MYO1D: variants seen among roughly 807,000 people sequenced by gnomAD.
MYO1D encodes myosin ID.
A neutral mutation model predicts 122.0 loss-of-function variants in MYO1D; 83 were observed. That is an observed-to-expected ratio of 0.68 (90% CI 0.57 to 0.82). The LOEUF is 0.82. MYO1D is among the 40% of genes least tolerant of loss of function. The pLI is 0.00. For missense variants in MYO1D, 1,157 were observed against 1,269.5 expected (o/e 0.91, Z 1.35); for synonymous variants, 464 against 446.9 (o/e 1.04, Z -0.48).
intron 1 of MYO1D, among the ~76,000 whole-genome samples, chr17:32,817,763 A>G (rs186196218): frequency 6.6e-6 from 1 of 152,324 alleles, no homozygotes; most frequent in East Asian, 1.9e-4. Flanking sequence ...TTTAATCTTC[A>G]CAACAACCCT....
intron 1 of MYO1D, among the ~76,000 whole-genome samples, chr17:32,852,519 A>C (rs894285638): frequency 8.5e-5 from 13 of 152,218 alleles, no homozygotes; most frequent in Non-Finnish European, 1.8e-4. Flanking sequence ...TTAGAAAATA[A>C]TTCTCATACA....
At chr17:32,733,823 A>G in intron 14 of MYO1D, among the ~76,000 whole-genome samples, 1 of 152,094 alleles carries the variant, frequency 6.6e-6, no homozygotes, top group East Asian at 1.9e-4. Flanking sequence ...TAGATTCAAG[A>G]TGTTGATTTT....
intron 1 of MYO1D, among the ~76,000 whole-genome samples, chr17:32,841,084 G>C (rs1341906286): frequency 6.6e-6 from 1 of 152,178 alleles, no homozygotes; most frequent in Non-Finnish European, 1.5e-5. Flanking sequence ...AGGTAGGCTA[G>C]GCTGAGCTAC....
At position 32,822,497 on chromosome 17, in the gene MYO1D, C is replaced by T. The variant is rs1198099220; in HGVS notation, c.96-41713G>A. On this transcript the variant is annotated intron_variant, in intron 1 of 21. Coordinates refer to ENST00000318217, the MANE Select transcript of MYO1D (RefSeq NM_015194.3). ...GGGGCGGGGGGCGCGCGTCCCCGGTCGGCGCGCCGCTTCTTCGGTTCCCGC... is the reference window on the plus strand; with the variant it reads ...GGGGCGGGGGGCGCGCGTCCCCGGTTGGCGCGCCGCTTCTTCGGTTCCCGC... Among the ~76,000 whole-genome samples, 11 of 143,456 alleles carry T rather than the reference C, an allele frequency of 7.7e-5. No individual in the cohort carries two copies. The South Asian group carries it at 2.5e-3, about 33-fold the overall frequency. 94.1% of individuals were successfully genotyped at this position (143,456 alleles called of 152,430 possible).
chr17:32,639,876 C>T (rs2088170274), intron 19 of MYO1D, among the ~76,000 whole-genome samples: 2 of 152,180 alleles, frequency 1.3e-5, no homozygotes, highest in African/African-American at 4.8e-5. Flanking sequence ...TCCCCTCCTT[C>T]AAATTCTTAT....
intron 16 of MYO1D, among the ~76,000 whole-genome samples, chr17:32,674,902 G>A (rs535700121): frequency 5.9e-5 from 9 of 152,308 alleles, no homozygotes; most frequent in Admixed American, 1.3e-4. Flanking sequence ...GCAGGGAAGG[G>A]AATAATCTGG....
chr17:32,667,200 C>T (rs1481497860), intron 16 of MYO1D, among the ~76,000 whole-genome samples: 1 of 152,148 alleles, frequency 6.6e-6, no homozygotes, highest in Non-Finnish European at 1.5e-5. Flanking sequence ...CAGTCACATT[C>T]AATTTAGGAT....
In MYO1D at chr17:32,734,242, ACT is replaced by A. The variant is rs1491268645; in HGVS notation, c.1746+4009_1746+4010del. 1.8e-4 allele frequency among the ~76,000 whole-genome samples: 28 copies of A among 151,940 alleles called. 1 individual carries two copies. The highest frequency in any genetic ancestry group is 1.8e-3 in the Admixed American group (28 of 15,264). ...CATTCTTCTTGAATTAATTTTGATA[ACT>A]TTTTTTTTCTAGAAAACCATCTACA... On this transcript the variant is annotated intron_variant, in intron 14 of 21. Coordinates refer to ENST00000318217, the MANE Select transcript of MYO1D (RefSeq NM_015194.3).
intron 3 of MYO1D, among the ~76,000 whole-genome samples, chr17:32,778,037 A>T (rs2151027420): frequency 6.6e-6 from 1 of 152,334 alleles, no homozygotes; most frequent in African/African-American, 2.4e-5. Flanking sequence ...TGCCTTCCAG[A>T]GTCCCACTTC....
At chr17:32,652,626 G>GT (rs879726485) in intron 19 of MYO1D, among the ~76,000 whole-genome samples, 4,423 of 148,272 alleles carry the variant, frequency 0.03, 100 homozygotes, top group African/African-American at 0.051. Flanking sequence ...GTATTTTAAG[G>GT]TTTTTTTTTT....
intron 15 of MYO1D, among the ~76,000 whole-genome samples, chr17:32,717,517 G>A (rs2089463322): frequency 6.6e-6 from 1 of 152,162 alleles, no homozygotes. Flanking sequence ...TTTTGCTGAA[G>A]TATATCCTCT....
chr17:32,729,110 T>C (rs2089608246), intron 14 of MYO1D, among the ~76,000 whole-genome samples: 1 of 152,226 alleles, frequency 6.6e-6, no homozygotes, highest in Non-Finnish European at 1.5e-5. Context: ...AAGGTTAAAT[T>C]GCAAAAGTTA....
intron 16 of MYO1D, among the ~76,000 whole-genome samples, chr17:32,675,992 A>G (rs1314775473): frequency 6.6e-6 from 1 of 152,214 alleles, no homozygotes; most frequent in Non-Finnish European, 1.5e-5. Context: ...GCATCCTTGC[A>G]GTACTCAAAT....
intron 21 of MYO1D, among the ~76,000 whole-genome samples, chr17:32,555,027 C>G (rs530776676): frequency 6.6e-5 from 10 of 152,248 alleles, no homozygotes; most frequent in Admixed American, 2.0e-4. Flanking sequence ...GACCCCGCAA[C>G]TCTGTCTCTA....
intron 21 of MYO1D, among the ~76,000 whole-genome samples, chr17:32,601,959 T>C (rs956318345): frequency 6.6e-6 from 1 of 152,236 alleles, no homozygotes; most frequent in Non-Finnish European, 1.5e-5. Flanking sequence ...GACTAATTTA[T>C]ACTTAGTTGG....
intron 21 of MYO1D, among the ~76,000 whole-genome samples, chr17:32,548,196 T>C (rs1194281311): frequency 6.6e-6 from 1 of 151,894 alleles, no homozygotes; most frequent in East Asian, 1.9e-4. Flanking sequence ...GGTGGGCAGA[T>C]TGCTTGAGCC....
chr17:32,649,567 C>CTTTTTT (rs35514290), intron 19 of MYO1D, among the ~76,000 whole-genome samples: 47 of 93,932 alleles, frequency 5.0e-4, no homozygotes, highest in African/African-American at 7.1e-4. Flanking sequence ...TTCTTTCTTT[C>CTTTTTT]TTTTTTTTTT....
chr17:32,789,418 G>T (rs1163516205), intron 1 of MYO1D, among the ~76,000 whole-genome samples: 1 of 152,020 alleles, frequency 6.6e-6, no homozygotes, highest in South Asian at 2.1e-4. Context: ...ACAGATGTGA[G>T]GTATCTGATA....
intron 14 of MYO1D, among the ~76,000 whole-genome samples, chr17:32,725,287 G>A (rs941163310): frequency 2.0e-5 from 3 of 152,152 alleles, no homozygotes; most frequent in Admixed American, 2.0e-4. Flanking sequence ...AGGAGGCCAA[G>A]GTGGGTGGAT....
Sources: gnomAD v4.1 joint callset for allele counts (sites outside exome capture counted in the v4.1 genomes callset) on GRCh38, gnomAD v4.1.1 for gene constraint, MANE v1.5 for transcripts, NCBI Gene and HGNC (gene_info 2026-07-23, HGNC 2026-07-21) for gene names.